Variants in FANCA observed in about 807,000 individuals in gnomAD.
FANCA encodes the protein Fanconi anemia group A protein.
FANCA carries 236 observed loss-of-function variants against 194.3 expected under a neutral mutation model. The observed-to-expected ratio is 1.21, with a 90% CI of 1.09 to 1.35. The LOEUF is 1.35. Among genes scored for constraint, FANCA ranks in the 40% most tolerant of loss-of-function variants. FANCA has a pLI of 0.00. For missense variants in FANCA, 2,628 were observed against 1,813.9 expected (o/e 1.45, Z -8.15); for synonymous variants, 1,014 against 715.8 (o/e 1.42, Z -6.65).
At chr16:89,744,557 A>C in intron 36 of FANCA, 1 of 329,344 alleles carries the variant, frequency 3.0e-6, no homozygotes, top group Non-Finnish European at 5.9e-6. Flanking sequence ...AGCCCACATT[A>C]GATTTAAGAG....
At position 89,739,199 on chromosome 16, in the gene FANCA, G is replaced by A. The variant is rs777315528; in HGVS notation, c.4101C>T (p.Leu1367=). The change falls in exon 41 of 43, where the codon CTC becomes CTT. Residue 1367 remains leucine (L), a synonymous_variant. Transcript: ENST00000389301. ...CTGTGCTTGTATCCCCAGCCACGAA[G>A]AGCTGGACCAGCTTCAAGTACATGT... The part of the protein sequence containing the change: ...AVDMYLKLVQ[L]FVAGDTSTVS... 1.9e-6 allele frequency: 3 copies of A among 1,614,194 alleles called. No homozygotes were observed. Among genetic ancestry groups the A allele is most frequent in the South Asian group, 1.1e-5 (1 of 91,090 alleles).
rs1291307989 is a variant in FANCA at position 89,783,105 on chromosome 16, G to C, written c.1471-3C>G. The C allele has an allele frequency of 1.2e-6, 2 of 1,607,600 alleles. No individual in the cohort carries two copies. Among genetic ancestry groups the C allele is most frequent in the Admixed American group, 3.3e-5 (2 of 59,944 alleles). Reference sequence around the variant, plus strand: ...AGGGGTGGGTGGAGAATGTGCACCTGAGGATAGATAGCAGAGCGCAGCACC... The same window carrying C: ...AGGGGTGGGTGGAGAATGTGCACCTCAGGATAGATAGCAGAGCGCAGCACC... On this transcript the variant is annotated splice_region_variant and splice_polypyrimidine_tract_variant and intron_variant, in intron 15 of 42. Coordinates refer to ENST00000389301, the MANE Select transcript of FANCA (RefSeq NM_000135.4).
At chr16:89,758,067 G>C (rs2038822999) in intron 30 of FANCA, among the ~76,000 whole-genome samples, 1 of 152,014 alleles carries the variant, frequency 6.6e-6, no homozygotes, top group East Asian at 1.9e-4. Flanking sequence ...ATGTAGGCCA[G>C]GCTGGTCTCT....
intron 22 of FANCA, 95 bp from the exon 23 acceptor site, chr16:89,771,909 C>G (rs113163907): frequency 2.1e-6 from 3 of 1,423,902 alleles, no homozygotes; most frequent in Non-Finnish European, 2.9e-6. Flanking sequence ...AAGTACGATT[C>G]CACGGATCCT....
Position 89,771,701 on chromosome 16 carries a change from T to A in FANCA, c.2128A>T (p.Arg710Ter). 6.2e-7 allele frequency: 1 copy of A among 1,614,158 alleles called. No individual in the cohort carries two copies. Among genetic ancestry groups the A allele is most frequent in the Non-Finnish European group, 8.5e-7 (1 of 1,180,008 alleles). The change falls in exon 23 of 43, where the codon AGA (arginine) becomes TGA (stop). Residue 710 changes from arginine to a stop codon, truncating the protein, a stop_gained. Transcript: ENST00000389301. LOFTEE classifies it high-confidence loss of function. ...SKIQLSINTP[R>*]LEPREHMAVD... ...ACCATGTGTTCCCGTGGCTCCAGTCTCGGCGTGTTGATGCTGAGCTGAATC... is the reference window on the plus strand; with the variant it reads ...ACCATGTGTTCCCGTGGCTCCAGTCACGGCGTGTTGATGCTGAGCTGAATC...
chr16:89,773,309 T>A lies in FANCA; in HGVS notation c.1976A>T (p.Glu659Val), dbSNP rs1410079737. 3 of 1,551,376 alleles carry A rather than the reference T, an allele frequency of 1.9e-6. No homozygotes were observed. Among genetic ancestry groups the A allele is most frequent in the Admixed American group, 2.0e-5 (1 of 50,988 alleles). The stretch of plus-strand genomic sequence containing the variant: ...GGGGTCTGTCATGGAGGCTCTCAGC[T>A]CTCCCAGTGCAGCTGTGAGCTGTCC... ...PLGQLTAALGELRASMTDPSQ... is the reference protein window; with the variant it reads ...PLGQLTAALGVLRASMTDPSQ... The change falls in exon 22 of 43, where the codon GAG becomes GTG. Residue 659 changes from glutamate (E) to valine (V), a missense_variant. Coordinates refer to ENST00000389301, the MANE Select transcript of FANCA (RefSeq NM_000135.4).
intron 20 of FANCA, chr16:89,778,573 AG>A (rs2039592882): frequency 4.0e-6 from 2 of 498,328 alleles, no homozygotes; most frequent in African/African-American, 4.2e-5. Flanking sequence ...GGTTGCAGTG[AG>A]CCAAGATCTC....
chr16:89,761,382 G>A (rs1253294142), intron 29 of FANCA, among the ~76,000 whole-genome samples: 3 of 142,450 alleles, frequency 2.1e-5, no homozygotes, highest in Admixed American at 7.5e-5. Flanking sequence ...TCGCGCCACT[G>A]CATTCCAGCC....
At chr16:89,816,451 G>A (rs978351272) in intron 1 of FANCA, 86 bp downstream of exon 1, 11 of 1,213,350 alleles carry the variant, frequency 9.1e-6, no homozygotes, top group African/African-American at 8.0e-5. Flanking sequence ...GACCGGCGGA[G>A]GCTCTGGCGG....
intron 30 of FANCA, among the ~76,000 whole-genome samples, chr16:89,757,873 G>A (rs150583579): frequency 4.6e-5 from 7 of 152,300 alleles, no homozygotes; most frequent in Non-Finnish European, 8.8e-5. Context: ...AAACAACGTT[G>A]TTGCTATTTT....
intron 37 of FANCA, among the ~76,000 whole-genome samples, chr16:89,742,271 C>T (rs777586879): frequency 3.3e-4 from 50 of 151,842 alleles, no homozygotes; most frequent in Admixed American, 1.8e-3. Flanking sequence ...GCCACCATGC[C>T]TGGACTACAG....
rs377442601 is a variant in FANCA at position 89,770,191 on chromosome 16, C to T, written c.2291G>A (p.Arg764Gln). 8.2e-6 allele frequency: 13 copies of T among 1,592,824 alleles called. No individual in the cohort carries two copies. The African/African-American group carries it at 1.2e-4, about 15-fold the overall frequency. ...CTGGTGACGGAGCAGCTGGCAGAGCCGGGTGAGCACTGCAGGGAGCACACG... is the reference window on the plus strand; with the variant it reads ...CTGGTGACGGAGCAGCTGGCAGAGCTGGGTGAGCACTGCAGGGAGCACACG... Reference protein sequence around the residue: ...CGRVLPAVLTRLCQLLRHQGP... With the variant: ...CGRVLPAVLTQLCQLLRHQGP... Residue 764 changes from arginine to glutamine, a missense_variant, in exon 25 of 43, where the codon CGG becomes CAG. By Grantham distance (43) the Arg-to-Gln change is conservative (BLOSUM62 1). Coordinates refer to ENST00000389301, the MANE Select transcript of FANCA (RefSeq NM_000135.4).
At chr16:89,760,905 GGT>G (rs1270994801) in intron 29 of FANCA, among the ~76,000 whole-genome samples, 1 of 152,144 alleles carries the variant, frequency 6.6e-6, no homozygotes, top group African/African-American at 2.4e-5. Context: ...CCTGGACACA[GGT>G]GTACAGCTCC....
rs778045457 is a variant in FANCA, at chr16:89,783,062, C to G, written c.1511G>C (p.Arg504Pro). The G allele has an allele frequency of 1.9e-6, 3 of 1,613,672 alleles. No individual in the cohort carries two copies. Among genetic ancestry groups the G allele is most frequent in the African/African-American group, 1.3e-5 (1 of 74,868 alleles). ...LHPPLVPGKY[R>P]SLLTDYISLA... ...TGAGATGTAGTCTGTGAGGAGGGAG[C>G]GGTACTTGCCGGGAACCAGGGGTGG... is the stretch of plus-strand genomic sequence containing the variant. Residue 504 changes from arginine to proline, a missense_variant, in exon 16 of 43, where the codon CGC becomes CCC. Coordinates refer to ENST00000389301, the MANE Select transcript of FANCA (RefSeq NM_000135.4).
intron 27 of FANCA, among the ~76,000 whole-genome samples, chr16:89,765,999 ATTTT>A (rs541701073): frequency 1.4e-5 from 2 of 144,072 alleles, no homozygotes; most frequent in African/African-American, 5.1e-5. Flanking sequence ...TTATTTATTT[ATTTT>A]TTTTTTTTTT....
At position 89,775,856 on chromosome 16, in the gene FANCA, T is replaced by C. The variant is rs1189289694; in HGVS notation, c.1827-41A>G. The C allele has an allele frequency of 5.3e-6, 7 of 1,326,590 alleles. No homozygotes were observed. In the Admixed American group the frequency reaches 1.1e-4, roughly 21 times the overall value. The allele number at this position is 1,326,590 out of a possible 1,614,324, so 82.2% of individuals were successfully genotyped here. On this transcript the variant is annotated intron_variant, in intron 20 of 42. Transcript: ENST00000389301. ...ACAATACAATTAAGTCAGCTATGGCTTAAATTAATTCAAGATTACAATCCC... is the reference window on the plus strand; with the variant it reads ...ACAATACAATTAAGTCAGCTATGGCCTAAATTAATTCAAGATTACAATCCC...
At position 89,791,541 on chromosome 16, in the gene FANCA, T is replaced by C. The variant is rs1215679651; in HGVS notation, c.1226-5A>G. 6.2e-7 allele frequency: 1 copy of C among 1,613,876 alleles called. No individual in the cohort carries two copies. Among genetic ancestry groups the C allele is most frequent in the Non-Finnish European group, 8.5e-7 (1 of 1,180,006 alleles). The stretch of plus-strand genomic sequence containing the variant: ...CCATCAAACGCGCCACCCAGTCTAG[T>C]TAAGAACCATGACATAGTCACAGCA... On this transcript the variant is annotated splice_region_variant and splice_polypyrimidine_tract_variant and intron_variant, in intron 13 of 42. Coordinates refer to ENST00000389301, the MANE Select transcript of FANCA (RefSeq NM_000135.4).
chr16:89,757,866 C>G (rs983373710), intron 30 of FANCA, among the ~76,000 whole-genome samples: 1 of 152,182 alleles, frequency 6.6e-6, no homozygotes, highest in East Asian at 1.9e-4. Context: ...AACAGAAAAA[C>G]AACGTTGTTG....
chr16:89,791,178 AC>A (rs2040063051), intron 14 of FANCA: 6 of 606,654 alleles, frequency 9.9e-6, no homozygotes, highest in Non-Finnish European at 1.7e-5. Flanking sequence ...GACAGGGAGA[AC>A]CCAGGCTCCT....
Sources: allele counts gnomAD v4.1 joint callset (sites outside exome capture counted in the v4.1 genomes callset), GRCh38; gene constraint gnomAD v4.1.1; transcripts MANE v1.5; gene names NCBI Gene and HGNC (gene_info 2026-07-23, HGNC 2026-07-21).